Variants in PTCD3 observed in about 807,000 individuals in gnomAD.
The protein encoded by PTCD3 is pentatricopeptide repeat domain 3, also known as small ribosomal subunit protein mS39.
A neutral mutation model predicts 101.9 loss-of-function variants in PTCD3; 89 were observed. The observed-to-expected ratio is 0.87, with a 90% CI of 0.74 to 1.04. PTCD3 has a LOEUF of 1.04. Ranked by LOEUF, PTCD3 falls within the 50% of genes least tolerant of loss-of-function variation. The pLI is 0.00. For missense variants in PTCD3, 870 were observed against 828.2 expected (o/e 1.05, Z -0.62); for synonymous variants, 296 against 278.5 (o/e 1.06, Z -0.63).
chr2:86,139,153 C>T lies in PTCD3; in HGVS notation c.*1594C>T, dbSNP rs950340725. The T allele has an allele frequency of 1.3e-5, 2 of 152,152 alleles. No homozygotes were observed. Among genetic ancestry groups the T allele is most frequent in the African/African-American group, 4.8e-5 (2 of 41,420 alleles). The allele number at this position is 152,152 out of a possible 1,614,324, so 9.4% of individuals were successfully genotyped here. A position where few individuals can be genotyped will look rare whatever the true frequency, so the allele number is the denominator to read the frequency against. On this transcript the variant is annotated 3_prime_UTR_variant, in exon 24 of 24. Transcript: ENST00000254630. ...AATTAAGGCCTCACAGGATGAGTCT[C>T]CATTCTCTGTAAATGCTTATTTTAT...
At position 86,123,737 on chromosome 2, in the gene PTCD3, G is replaced by A; in HGVS notation, c.691G>A (p.Gly231Ser). 6.2e-7 allele frequency: 1 copy of A among 1,600,566 alleles called. No individual in the cohort carries two copies. The highest frequency in any genetic ancestry group is 8.5e-7 in the Non-Finnish European group (1 of 1,175,002). ...ENDETSRRKAGHQFGVTWRAK... is the reference protein window; with the variant it reads ...ENDETSRRKASHQFGVTWRAK... ...TGATGAGACATCTAGGAGGAAAGCTGGTCATCAGTTTGGAGTTACATGGCG... is the reference window on the plus strand; with the variant it reads ...TGATGAGACATCTAGGAGGAAAGCTAGTCATCAGTTTGGAGTTACATGGCG... The change falls in exon 9 of 24, where the codon GGT (glycine) becomes AGT (serine). Residue 231 changes from glycine to serine, a missense_variant. Transcript: ENST00000254630.
At chr2:86,135,050 C>T in intron 21 of PTCD3, 63 bp downstream of exon 21, 5 of 1,510,320 alleles carry the variant, frequency 3.3e-6, no homozygotes, top group Non-Finnish European at 4.5e-6. Context: ...AAACATTGGC[C>T]CACGCTGGTA....
Position 86,125,459 on chromosome 2 carries a change from G to A in PTCD3, c.809G>A (p.Arg270Gln), listed in dbSNP as rs767346552. The A allele has an allele frequency of 5.6e-5, 90 of 1,612,692 alleles. No individual in the cohort carries two copies. The highest frequency in any genetic ancestry group is 7.5e-5 in the Non-Finnish European group (89 of 1,178,824). ...CTMIRGMVKH[R>Q]AYEQALNLYT... ...GCTTAATTTTTCCTTTTCCAGCACC[G>A]AGCTTATGAGCAGGCATTAAACTTG... Residue 270 changes from arginine (R) to glutamine (Q), a missense_variant, in exon 11 of 24, where the codon CGA becomes CAA. Coordinates refer to ENST00000254630, the MANE Select transcript of PTCD3 (RefSeq NM_017952.6).
At chr2:86,131,196 T>C (rs935773670) in intron 16 of PTCD3, 90 bp downstream of exon 16, 1 of 974,932 alleles carries the variant, frequency 1.0e-6, no homozygotes, top group Non-Finnish European at 1.5e-6. Context: ...ACTTTCTAAC[T>C]CTTCTGTTCA....
intron 4 of PTCD3, among the ~76,000 whole-genome samples, chr2:86,114,352 A>G (rs1280003684): frequency 7.9e-5 from 12 of 151,740 alleles, no homozygotes; most frequent in East Asian, 1.9e-4. Flanking sequence ...CAGTGGCGCA[A>G]TCTCAGCTCA....
At position 86,113,747 on chromosome 2, in the gene PTCD3, G is replaced by GT. The variant is rs558627657; in HGVS notation, c.240+2591dup. 4.4e-3 allele frequency among the ~76,000 whole-genome samples: 667 copies of GT among 152,190 alleles called. 2 individuals are homozygous for GT. Among genetic ancestry groups the GT allele is most frequent in the Non-Finnish European group, 7.5e-3 (511 of 68,010 alleles). On this transcript the variant is annotated intron_variant, in intron 4 of 23. Coordinates refer to ENST00000254630, the MANE Select transcript of PTCD3 (RefSeq NM_017952.6). ...TTGATCCTGGGAGGTGGAGGTGGAGGTTGCGGTGAGCCAGGATCGCACCAC... is the reference window on the plus strand; with the variant it reads ...TTGATCCTGGGAGGTGGAGGTGGAGGTTTGCGGTGAGCCAGGATCGCACCAC...
intron 13 of PTCD3, chr2:86,127,739 A>C: frequency 1.7e-6 from 1 of 572,898 alleles, no homozygotes; most frequent in Non-Finnish European, 3.1e-6. Flanking sequence ...TTGGACTTTC[A>C]AAAAGTGATA....
chr2:86,123,044 G>C (rs1183062012), intron 8 of PTCD3, among the ~76,000 whole-genome samples: 1 of 152,128 alleles, frequency 6.6e-6, no homozygotes, highest in African/African-American at 2.4e-5. Flanking sequence ...TGGATCATGA[G>C]GTCAGGAGAT....
chr2:86,121,164 G>A (rs1674272822), intron 7 of PTCD3, among the ~76,000 whole-genome samples: 1 of 152,176 alleles, frequency 6.6e-6, no homozygotes, highest in Non-Finnish European at 1.5e-5. Flanking sequence ...TTTGCAGTGT[G>A]TTCAGTTTGG....
In PTCD3 at chr2:86,117,056, G is replaced by A. The variant is rs200488670; in HGVS notation, c.311G>A (p.Arg104His). 2.3e-4 allele frequency: 270 copies of A among 1,170,218 alleles called. No individual in the cohort carries two copies. Among genetic ancestry groups the A allele is most frequent in the Admixed American group, 4.1e-4 (24 of 59,224 alleles). 72.5% of individuals were successfully genotyped at this position (1,170,218 alleles called of 1,614,324 possible). ...YLMPASSLESRSFLLAKKSGE... is the reference protein window; with the variant it reads ...YLMPASSLESHSFLLAKKSGE... Reference sequence around the variant, plus strand: ...ATTTAAATCTTTTTCTTTATATAGCGTTCATTTTTACTGGCAAAGAAATCC... The same window carrying A: ...ATTTAAATCTTTTTCTTTATATAGCATTCATTTTTACTGGCAAAGAAATCC... The change falls in exon 6 of 24, where the codon CGT becomes CAT. Residue 104 changes from arginine to histidine, a missense_variant and splice_region_variant. Transcript: ENST00000254630.
intron 4 of PTCD3, 87 bp from the exon 5 acceptor site, chr2:86,116,443 A>G: frequency 9.1e-7 from 1 of 1,093,000 alleles, no homozygotes; most frequent in Non-Finnish European, 1.4e-6. Flanking sequence ...AGGCTGAGGC[A>G]GGAGAATCCC....
chr2:86,122,017 A>G (rs1012336862), intron 8 of PTCD3, among the ~76,000 whole-genome samples: 5 of 152,220 alleles, frequency 3.3e-5, no homozygotes, highest in Non-Finnish European at 7.3e-5. Context: ...AAGTTGAGTC[A>G]TAGCCTCTCT....
chr2:86,125,245 G>A (rs949898674), intron 10 of PTCD3, among the ~76,000 whole-genome samples, 163 bp downstream of exon 10: 11 of 152,132 alleles, frequency 7.2e-5, no homozygotes, highest in Admixed American at 3.3e-4. Flanking sequence ...TGTGAGTAGT[G>A]TACTCCTCCC....
intron 5 of PTCD3, 103 bp from the exon 6 acceptor site, chr2:86,116,952 C>G: frequency 3.1e-6 from 2 of 642,762 alleles, no homozygotes; most frequent in East Asian, 2.7e-5. Flanking sequence ...CGTGTTGTTG[C>G]ATTTGTTTTT....
chr2:86,137,111 G>A lies in PTCD3; in HGVS notation c.1950G>A (p.Met650Ile). Residue 650 changes from methionine (M) to isoleucine (I), a missense_variant, in exon 23 of 24, where the codon ATG becomes ATA. By Grantham distance (10) the Met-to-Ile change is conservative. Transcript: ENST00000254630. ...GTGAGGGCCTCACCCAGAGAGTAAT[G>A]AGTGATTTTGCAATCAACCAGGAAC... ...PICEGLTQRV[M>I]SDFAINQEQK... is the part of the protein sequence containing the mutation. The A allele has an allele frequency of 1.3e-6, 2 of 1,594,252 alleles. No homozygotes were observed. The highest frequency in any genetic ancestry group is 2.2e-5 in the East Asian group (1 of 44,616).
At chr2:86,122,719 G>C (rs891093992) in intron 8 of PTCD3, among the ~76,000 whole-genome samples, 8 of 152,208 alleles carry the variant, frequency 5.3e-5, no homozygotes, top group Non-Finnish European at 1.0e-4. Context: ...GCCAAATGTG[G>C]ATTATTTATG....
chr2:86,115,898 A>AGT (rs1674168451), intron 4 of PTCD3, among the ~76,000 whole-genome samples: 1 of 152,184 alleles, frequency 6.6e-6, no homozygotes, highest in South Asian at 2.1e-4. Flanking sequence ...GTGGGTGGAT[A>AGT]GTGACCTTGC....
intron 14 of PTCD3, 152 bp downstream of exon 14, chr2:86,128,143 G>T: frequency 1.5e-6 from 1 of 684,272 alleles, no homozygotes; most frequent in Non-Finnish European, 2.4e-6. Context: ...AGAAAGTTGT[G>T]GTTTTTTTAG....
rs1398921091 is a variant in PTCD3 at position 86,116,654 on chromosome 2, G to A, written c.309+56G>A. On this transcript the variant is annotated intron_variant, in intron 5 of 23. Transcript: ENST00000254630. ...TTATCTCTCTGGTTTGCGTACAACA[G>A]TACATAAATAATTTAGTTGTAATAA... The A allele has an allele frequency of 3.9e-6, 5 of 1,294,266 alleles. No homozygotes were observed. In the Admixed American group the frequency reaches 8.7e-5, roughly 22 times the overall value. 80.2% of individuals were successfully genotyped at this position (1,294,266 alleles called of 1,614,324 possible).
Sources: gnomAD v4.1 joint callset for allele counts (sites outside exome capture counted in the v4.1 genomes callset) on GRCh38, gnomAD v4.1.1 for gene constraint, MANE v1.5 for transcripts, NCBI Gene and HGNC (gene_info 2026-07-23, HGNC 2026-07-21) for gene names.